Variants in TAFA5 observed in about 807,000 individuals in gnomAD.
The protein encoded by TAFA5 is TAFA chemokine like family member 5, also known as chemokine-like protein TAFA-5.
A neutral mutation model predicts 15.3 loss-of-function variants in TAFA5; 6 were observed. The observed-to-expected ratio is 0.39, with a 90% confidence interval of 0.21 to 0.77. TAFA5 has a LOEUF of 0.77. Among genes scored for constraint, TAFA5 ranks in the 30% least tolerant of loss-of-function variants. The probability of loss-of-function intolerance (pLI) is 0.41; values close to 1 mark genes in which losing one functional copy is unlikely to be tolerated. For synonymous variants in TAFA5, 103 were observed against 80.7 expected (o/e 1.28, Z -1.48); for missense variants, 161 against 193.1 (o/e 0.83, Z 0.98).
rs1291277975 is a variant in TAFA5 at position 48,508,304 on chromosome 22, G to C, written c.112+18600G>C. On this transcript the variant is annotated intron_variant, in intron 1 of 3. Transcript: ENST00000402357. ...CCAGGGTAGGCTAGAGAGTAGGCGG[G>C]GGTGCAGCCAGTCCCCTCCAGGGCT... 3.9e-5 allele frequency among the ~76,000 whole-genome samples: 6 copies of C among 152,206 alleles called. No individual in the cohort carries two copies. In the East Asian group the frequency reaches 1.2e-3, roughly 29 times the overall value.
intron 3 of TAFA5, among the ~76,000 whole-genome samples, chr22:48,720,286 T>G (rs989771559): frequency 8.5e-5 from 13 of 152,142 alleles, no homozygotes; most frequent in Non-Finnish European, 1.3e-4. Flanking sequence ...TCCCTGCCCT[T>G]GCTTCCCTGT....
intron 1 of TAFA5, among the ~76,000 whole-genome samples, chr22:48,572,009 C>T (rs1415861535): frequency 6.6e-6 from 1 of 152,122 alleles, no homozygotes; most frequent in African/African-American, 2.4e-5. Context: ...TGCCTTTTCT[C>T]CCCCTTGGGA....
At chr22:48,718,784 G>A (rs151072219) in intron 3 of TAFA5, among the ~76,000 whole-genome samples, 1 of 152,134 alleles carries the variant, frequency 6.6e-6, no homozygotes, top group Non-Finnish European at 1.5e-5. Flanking sequence ...AGTCCTCCGT[G>A]TGAGCCTCTT....
At chr22:48,702,828 C>T (rs983990241) in intron 2 of TAFA5, among the ~76,000 whole-genome samples, 6 of 152,228 alleles carry the variant, frequency 3.9e-5, no homozygotes, top group East Asian at 1.9e-4. Context: ...GGTGGCCCGG[C>T]GCTGTGCCTC....
intron 1 of TAFA5, among the ~76,000 whole-genome samples, chr22:48,542,167 T>C (rs1027996384): frequency 1.4e-5 from 2 of 139,590 alleles, no homozygotes; most frequent in Non-Finnish European, 3.0e-5. Context: ...GGGGTGTGTG[T>C]GCATGTGTGA....
At chr22:48,564,095 G>A (rs540023667) in intron 1 of TAFA5, among the ~76,000 whole-genome samples, 2 of 152,388 alleles carry the variant, frequency 1.3e-5, no homozygotes, top group South Asian at 2.1e-4. Context: ...TGGAGCGGGC[G>A]GGGAGTGCGG....
chr22:48,710,927 A>G (rs1929232228), intron 3 of TAFA5, among the ~76,000 whole-genome samples: 1 of 152,144 alleles, frequency 6.6e-6, no homozygotes, highest in Non-Finnish European at 1.5e-5. Flanking sequence ...ACAGAAGTCC[A>G]GGGAGGTGGG....
At chr22:48,637,539 G>A (rs1418036380) in intron 1 of TAFA5, among the ~76,000 whole-genome samples, 4 of 152,208 alleles carry the variant, frequency 2.6e-5, no homozygotes, top group East Asian at 1.9e-4. Flanking sequence ...CGGAGCCAGC[G>A]TTATCGGCAG....
chr22:48,641,315 A>G (rs1926668000), intron 1 of TAFA5, among the ~76,000 whole-genome samples: 1 of 152,128 alleles, frequency 6.6e-6, no homozygotes. Flanking sequence ...GAGGTTTCAT[A>G]TGATCAACCC....
chr22:48,584,900 T>TCACACACACACACCACA (rs1555889927), intron 1 of TAFA5, among the ~76,000 whole-genome samples: 29 of 118,988 alleles, frequency 2.4e-4, no homozygotes, highest in Non-Finnish European at 3.9e-4. Flanking sequence ...AAAATACATC[T>TCACACACACACACCACA]CACACACACA....
At chr22:48,648,481 C>T (rs887236986) in intron 2 of TAFA5, among the ~76,000 whole-genome samples, 21 of 152,140 alleles carry the variant, frequency 1.4e-4, no homozygotes, top group Non-Finnish European at 1.8e-4. Flanking sequence ...AGGGATGGGG[C>T]GTACAGAGAC....
chr22:48,510,944 A>G (rs1201178990), intron 1 of TAFA5, among the ~76,000 whole-genome samples: 1 of 152,174 alleles, frequency 6.6e-6, no homozygotes, highest in Non-Finnish European at 1.5e-5. Context: ...TCTTTGGAAG[A>G]TTTCTCACCC....
rs539784554 is a variant in TAFA5, at chr22:48,721,777, C to T, written c.390+13933C>T. Among the ~76,000 whole-genome samples the T allele has an allele frequency of 3.2e-4, 48 of 152,222 alleles. 1 individual carries two copies. In the South Asian group the frequency reaches 3.9e-3, roughly 13 times the overall value. Reference sequence around the variant, plus strand: ...TGAAGTCAGGGGTTCGAAACCAGCCCGGCCAACATGGTGAAACCCCGCCTC... The same window carrying T: ...TGAAGTCAGGGGTTCGAAACCAGCCTGGCCAACATGGTGAAACCCCGCCTC... On this transcript the variant is annotated intron_variant, in intron 3 of 3. Transcript: ENST00000402357.
intron 1 of TAFA5, among the ~76,000 whole-genome samples, chr22:48,596,288 GCTGTGCCTCCAC>G (rs1924761196): frequency 2.6e-5 from 4 of 152,212 alleles, no homozygotes; most frequent in Non-Finnish European, 5.9e-5. Flanking sequence ...TGTTGACCAC[GCTGTGCCTCCAC>G]GGCCCGTGTG....
intron 1 of TAFA5, among the ~76,000 whole-genome samples, chr22:48,497,467 G>A (rs1928372374): frequency 1.3e-5 from 2 of 151,504 alleles, no homozygotes. Flanking sequence ...CCAGTGGCCA[G>A]GGGTCATCAG....
chr22:48,649,485 C>T (rs1001986854), intron 2 of TAFA5, among the ~76,000 whole-genome samples: 1 of 152,144 alleles, frequency 6.6e-6, no homozygotes, highest in Non-Finnish European at 1.5e-5. Flanking sequence ...CCGCTGGAGC[C>T]TTGTTTTTGT....
intron 1 of TAFA5, among the ~76,000 whole-genome samples, chr22:48,534,311 G>A (rs1414121641): frequency 1.3e-5 from 2 of 151,832 alleles, no homozygotes; most frequent in African/African-American, 4.8e-5. Context: ...GGGGAGTCAG[G>A]CAGATGAGGG....
chr22:48,685,321 A>G (rs1232420166), intron 2 of TAFA5, among the ~76,000 whole-genome samples: 1 of 152,226 alleles, frequency 6.6e-6, no homozygotes, highest in Non-Finnish European at 1.5e-5. Context: ...AGGACCTTAA[A>G]AGGTGTCAGA....
At chr22:48,551,254 A>G (rs886238239) in intron 1 of TAFA5, among the ~76,000 whole-genome samples, 2 of 152,224 alleles carry the variant, frequency 1.3e-5, no homozygotes, top group East Asian at 3.9e-4. Flanking sequence ...CCTGGAAGGC[A>G]GGGAGCCCCC....
Sources: allele counts gnomAD v4.1 joint callset (sites outside exome capture counted in the v4.1 genomes callset), GRCh38; gene constraint gnomAD v4.1.1; transcripts MANE v1.5; gene names NCBI Gene and HGNC (gene_info 2026-07-23, HGNC 2026-07-21).